The following PLB1 variants were observed in gnomAD, a reference collection of about 807,000 sequenced individuals.
PLB1 encodes the protein phospholipase B1.
A neutral mutation model predicts 227.4 loss-of-function variants in PLB1; 242 were observed. The observed-to-expected ratio is 1.06, with a 90% CI of 0.96 to 1.18. The LOEUF (loss-of-function observed/expected upper bound fraction) is 1.18, where lower values mean the gene tolerates loss of function less well. Among genes scored for constraint, PLB1 ranks in the 50% most tolerant of loss-of-function variants. The pLI is 0.00. For synonymous variants in PLB1, 757 were observed against 682.2 expected (o/e 1.11, Z -1.71); for missense variants, 1,858 against 1,816.3 (o/e 1.02, Z -0.42).
intron 1 of PLB1, among the ~76,000 whole-genome samples, chr2:28,506,035 C>T (rs1050019375): frequency 1.3e-5 from 2 of 152,172 alleles, no homozygotes; most frequent in Non-Finnish European, 2.9e-5. Flanking sequence ...TCATCTGTGC[C>T]TTGTAGATTT....
chr2:28,624,366 C>T (rs1334158068), intron 49 of PLB1, among the ~76,000 whole-genome samples: 1 of 151,894 alleles, frequency 6.6e-6, no homozygotes, highest in Non-Finnish European at 1.5e-5. Context: ...GCGATGCATC[C>T]ATGTTATTCG....
intron 3 of PLB1, among the ~76,000 whole-genome samples, chr2:28,519,053 A>G (rs138905016): frequency 2.7e-3 from 416 of 152,324 alleles, no homozygotes; most frequent in African/African-American, 9.6e-3. Context: ...TTTAGGTTGA[A>G]AAAGAAATTG....
Position 28,632,126 on chromosome 2 carries a change from A to T in PLB1, c.3988A>T (p.Thr1330Ser), listed in dbSNP as rs752510921. ...GCAGCCTTTCTTCCAAAACACACTC[A>T]CCCCACTGAACGAGGTGAGCTGCAG... Reference protein sequence around the residue: ...VVQPFFQNTLTPLNERGDTDL... With the variant: ...VVQPFFQNTLSPLNERGDTDL... The change falls in exon 55 of 58, where the codon ACC becomes TCC. Residue 1330 changes from threonine to serine, a missense_variant. Transcript: ENST00000327757. 1.4e-5 allele frequency: 22 copies of T among 1,611,982 alleles called. No individual in the cohort carries two copies. Among genetic ancestry groups the T allele is most frequent in the Non-Finnish European group, 1.9e-5 (22 of 1,179,218 alleles).
At chr2:28,551,212 T>G (rs1997266) in intron 16 of PLB1, among the ~76,000 whole-genome samples, 1 of 152,054 alleles carries the variant, frequency 6.6e-6, no homozygotes, top group Non-Finnish European at 1.5e-5. Context: ...GAACCCAGAT[T>G]GTGTGGAGCT....
intron 9 of PLB1, among the ~76,000 whole-genome samples, chr2:28,536,828 A>G (rs1671749586): frequency 6.6e-6 from 1 of 152,154 alleles, no homozygotes; most frequent in African/African-American, 2.4e-5. Context: ...CCGAGCGACA[A>G]CCATGCAGTG....
intron 17 of PLB1, 26 bp from the exon 18 acceptor site, chr2:28,563,015 C>T (rs1167997744): frequency 1.2e-6 from 2 of 1,604,554 alleles, no homozygotes; most frequent in South Asian, 1.1e-5. Flanking sequence ...GCCCCATTTT[C>T]CACTCACTCC....
chr2:28,507,357 G>A (rs1667749131), intron 1 of PLB1, among the ~76,000 whole-genome samples: 2 of 152,146 alleles, frequency 1.3e-5, no homozygotes, highest in Admixed American at 6.5e-5. Flanking sequence ...CAAGATTGAG[G>A]GGCTGGCATC....
At position 28,573,201 on chromosome 2, in the gene PLB1, C is replaced by G; in HGVS notation, c.1329C>G (p.Ile443Met). 1 of 1,612,584 alleles carries G rather than the reference C, an allele frequency of 6.2e-7. No individual in the cohort carries two copies. The highest frequency in any genetic ancestry group is 1.1e-5 in the South Asian group (1 of 91,014). Reference sequence around the variant, plus strand: ...GTCTTTTCCTTGTATTTGCAGACATCCTCCGGGAATTCAACCCTTCCCTGA... The same window carrying G: ...GTCTTTTCCTTGTATTTGCAGACATGCTCCGGGAATTCAACCCTTCCCTGA... ...NIGTVTTLAN[I>M]LREFNPSLKG... Residue 443 changes from isoleucine (I) to methionine (M), a missense_variant, in exon 21 of 58, where the codon ATC becomes ATG. Coordinates refer to ENST00000327757, the MANE Select transcript of PLB1 (RefSeq NM_153021.5).
chr2:28,558,936 G>A (rs1675598810), intron 17 of PLB1, among the ~76,000 whole-genome samples: 1 of 152,156 alleles, frequency 6.6e-6, no homozygotes, highest in South Asian at 2.1e-4. Context: ...TATTGCCCAG[G>A]CTGGTCTCGA....
At chr2:28,608,819 C>T (rs1685046173) in intron 43 of PLB1, among the ~76,000 whole-genome samples, 1 of 152,102 alleles carries the variant, frequency 6.6e-6, no homozygotes, top group Non-Finnish European at 1.5e-5. Context: ...TTCTGGTCTT[C>T]TGTTTGCTTG....
Position 28,620,464 on chromosome 2 carries a change from C to G in PLB1, c.3383+132C>G, listed in dbSNP as rs983171443. 6.7e-6 allele frequency: 9 copies of G among 1,352,090 alleles called. No individual in the cohort carries two copies. The African/African-American group carries it at 1.3e-4, about 20-fold the overall frequency. The allele number at this position is 1,352,090 out of a possible 1,614,324, so 83.8% of individuals were successfully genotyped here. On this transcript the variant is annotated intron_variant, in intron 47 of 57. Coordinates refer to ENST00000327757, the MANE Select transcript of PLB1 (RefSeq NM_153021.5). ...CAGCGCTGAGACAGGAGACTCAATG[C>G]TTGCATTACCCCTGAGGGTGATGGG...
chr2:28,534,552 T>C (rs1445648322), intron 9 of PLB1, among the ~76,000 whole-genome samples: 1 of 152,090 alleles, frequency 6.6e-6, no homozygotes, highest in African/African-American at 2.4e-5. Flanking sequence ...ACACTGTGGG[T>C]CAAGATAAAA....
At chr2:28,627,873 C>T (rs1013463501) in intron 51 of PLB1, among the ~76,000 whole-genome samples, 5 of 152,164 alleles carry the variant, frequency 3.3e-5, no homozygotes, top group East Asian at 1.9e-4. Flanking sequence ...GGTTACCACC[C>T]GCACCCCCAC....
chr2:28,616,197 A>G (rs952358450), intron 44 of PLB1, among the ~76,000 whole-genome samples: 1 of 152,202 alleles, frequency 6.6e-6, no homozygotes, highest in Non-Finnish European at 1.5e-5. Flanking sequence ...AGTTTACCAT[A>G]TATTTTCAAA....
chr2:28,567,775 T>C (rs1315588297), intron 20 of PLB1, among the ~76,000 whole-genome samples: 1 of 152,190 alleles, frequency 6.6e-6, no homozygotes, highest in Non-Finnish European at 1.5e-5. Flanking sequence ...AAAGTCTGAT[T>C]ATATTCCTTG....
chr2:28,507,325 T>C (rs752161223), intron 1 of PLB1, among the ~76,000 whole-genome samples: 19 of 152,164 alleles, frequency 1.2e-4, no homozygotes, highest in Non-Finnish European at 2.1e-4. Flanking sequence ...TTTAGTCTCA[T>C]GGTTCTGGAG....
intron 10 of PLB1, 87 bp from the exon 11 acceptor site, chr2:28,539,012 C>A: frequency 9.4e-7 from 1 of 1,066,242 alleles, no homozygotes; most frequent in Non-Finnish European, 1.5e-6. Flanking sequence ...AACCACACCC[C>A]AACGGGGCCC....
chr2:28,598,731 C>T lies in PLB1; in HGVS notation c.2445C>T (p.Leu815=), dbSNP rs1338808387. The part of the protein sequence containing the change: ...TGDANDTNAF[L]NQAVPGAKAE... ...ATGCCAATGACACGAATGCATTCCTCAATCAAGCTGTTCCCGGAGCAAAGG... is the reference window on the plus strand; with the variant it reads ...ATGCCAATGACACGAATGCATTCCTTAATCAAGCTGTTCCCGGAGCAAAGG... Residue 815 remains leucine (L), a synonymous_variant, in exon 35 of 58, where the codon CTC becomes CTT. Coordinates refer to ENST00000327757, the MANE Select transcript of PLB1 (RefSeq NM_153021.5). The T allele has an allele frequency of 1.2e-6, 2 of 1,614,036 alleles. No individual in the cohort carries two copies. The highest frequency in any genetic ancestry group is 1.7e-6 in the Non-Finnish European group (2 of 1,179,972).
rs142930774 is a variant in PLB1 at position 28,585,182 on chromosome 2, C to T, written c.1734-579C>T. Among the ~76,000 whole-genome samples the T allele has an allele frequency of 8.2e-3, 1,243 of 152,244 alleles. 8 individuals are homozygous for T. The highest frequency in any genetic ancestry group is 0.013 in the Non-Finnish European group (873 of 68,028). ...CGGCACAGCACTTTCCTCAGACAGC[C>T]GTAAGGTGACTCGTCTCCATAAAAG... On this transcript the variant is annotated intron_variant, in intron 25 of 57. Coordinates refer to ENST00000327757, the MANE Select transcript of PLB1 (RefSeq NM_153021.5).
Sources: allele counts gnomAD v4.1 joint callset (sites outside exome capture counted in the v4.1 genomes callset), GRCh38; gene constraint gnomAD v4.1.1; transcripts MANE v1.5; gene names NCBI Gene and HGNC (gene_info 2026-07-23, HGNC 2026-07-21).